NCL: variants seen among roughly 807,000 people sequenced by gnomAD.
NCL encodes nucleolin multifunctional protein.
Under a neutral mutation model 77.7 loss-of-function variants are expected in NCL, and 4 were observed. The observed-to-expected ratio is 0.05, with a 90% CI of 0.03 to 0.12. The LOEUF is 0.12. Among genes scored for constraint, NCL ranks in the 10% least tolerant of loss-of-function variants. The pLI is 1.00. For synonymous variants in NCL, 344 were observed against 297.8 expected, an observed-to-expected ratio of 1.16 and a Z score of -1.60; for missense variants, 763 against 860.9, an observed-to-expected ratio of 0.89 and a Z score of 1.42.
Position 231,457,135 on chromosome 2 carries a change from A to G in NCL, c.1448-11T>C, listed in dbSNP as rs1251649110. 1.2e-6 allele frequency: 2 copies of G among 1,613,558 alleles called. No homozygotes were observed. Among genetic ancestry groups the G allele is most frequent in the Non-Finnish European group, 1.7e-6 (2 of 1,179,838 alleles). On this transcript the variant is annotated splice_polypyrimidine_tract_variant and intron_variant, in intron 9 of 13. Transcript: ENST00000322723. ...GAGTTTTTGATTCACCTGCAAATAG[A>G]GATGCCACATTCCTAAGACTCTGAA...
chr2:231,456,603 C>CCA (rs1389842764), intron 11 of NCL, 28 bp downstream of exon 11: 2 of 1,613,610 alleles, frequency 1.2e-6, no homozygotes, highest in African/African-American at 2.7e-5. Context: ...CTACCCCCAA[C>CCA]CACAGCACCC....
rs1163452278 is a variant in NCL, at chr2:231,455,502, C to G, written c.1955G>C (p.Gly652Ala). 6.2e-7 allele frequency: 1 copy of G among 1,614,208 alleles called. No homozygotes were observed. Among genetic ancestry groups the G allele is most frequent in the Non-Finnish European group, 8.5e-7 (1 of 1,180,034 alleles). ...TCTGCCTCCACCACGACCCCCGAAG[C>G]CACCTTCACCCTTAGGTTTGGCCCA... Reference protein sequence around the residue: ...LDWAKPKGEGGFGGRGGGRGG... With the variant: ...LDWAKPKGEGAFGGRGGGRGG... The change falls in exon 13 of 14, where the codon GGC (glycine) becomes GCC (alanine). Residue 652 changes from glycine to alanine, a missense_variant. Around this residue, in one of 2 missense-constraint regions of NCL, gnomAD observed 173 missense variants for 290.4 expected, o/e 0.60. Coordinates refer to ENST00000322723, the MANE Select transcript of NCL (RefSeq NM_005381.3).
At chr2:231,458,571 T>C (rs1045913889) in intron 7 of NCL, 182 bp from the exon 8 acceptor site, 10 of 741,546 alleles carry the variant, frequency 1.3e-5, no homozygotes, top group African/African-American at 1.1e-4. Context: ...GGTCCCTCCA[T>C]GTTGTCACAG....
intron 11 of NCL, 57 bp from the exon 12 acceptor site, chr2:231,456,193 TTGCACAATGCCTAG>T: frequency 6.2e-7 from 1 of 1,605,588 alleles, no homozygotes; most frequent in Non-Finnish European, 8.5e-7. Context: ...AACACTGAAT[TTGCACAATGCCTAG>T]TATGACTACT....
At chr2:231,456,490 CAATT>C (rs748959621) in intron 11 of NCL, 137 bp downstream of exon 11, 5 of 1,356,334 alleles carry the variant, frequency 3.7e-6, no homozygotes, top group Non-Finnish European at 4.2e-6. Context: ...GAGATTTCAT[CAATT>C]ATTTCTCAGG....
rs769684387 is a variant in NCL, at chr2:231,456,155, T to C, written c.1706-19A>G. 1.9e-6 allele frequency: 3 copies of C among 1,568,066 alleles called. No homozygotes were observed. Among genetic ancestry groups the C allele is most frequent in the Admixed American group, 3.4e-5 (2 of 59,098 alleles). ...GATGGCTCTGGGAAGGAAAAAAAAATGTGACTTTATGTGAAGTCACAGTTC... is the reference window on the plus strand; with the variant it reads ...GATGGCTCTGGGAAGGAAAAAAAAACGTGACTTTATGTGAAGTCACAGTTC... On this transcript the variant is annotated intron_variant, in intron 11 of 13. Transcript: ENST00000322723.
chr2:231,458,510 G>T, intron 7 of NCL, 121 bp from the exon 8 acceptor site: 2 of 1,266,502 alleles, frequency 1.6e-6, no homozygotes, highest in African/African-American at 1.5e-5. Flanking sequence ...ATCCTATAAT[G>T]TACAAGGCTC....
At chr2:231,464,210 G>A in intron 1 of NCL, 126 bp downstream of exon 1, 2 of 1,483,174 alleles carry the variant, frequency 1.3e-6, no homozygotes, top group South Asian at 2.5e-5. Context: ...AATCGCGCGA[G>A]ACTTCCCGCA....
chr2:231,464,181 G>A (rs1232667529), intron 1 of NCL, 155 bp downstream of exon 1: 2 of 1,434,046 alleles, frequency 1.4e-6, no homozygotes, highest in South Asian at 1.4e-5. Context: ...GTAGCCAGAA[G>A]CCGCGAGACC....
At chr2:231,458,546 T>C in intron 7 of NCL, 157 bp from the exon 8 acceptor site, 4 of 920,960 alleles carry the variant, frequency 4.3e-6, no homozygotes, top group South Asian at 3.5e-5. Context: ...GATATAGCAG[T>C]GTCAACACAC....
intron 2 of NCL, chr2:231,462,849 G>A (rs926733966): frequency 1.5e-5 from 5 of 322,630 alleles, no homozygotes; most frequent in South Asian, 8.5e-5. Context: ...GGCTAGGAAA[G>A]GAATCTGGTA....
In NCL at chr2:231,461,957, C is replaced by T. The variant is rs1285071646; in HGVS notation, c.196G>A (p.Val66Ile). The change falls in exon 3 of 14, where the codon GTT (valine) becomes ATT (isoleucine). Residue 66 changes from valine to isoleucine, a missense_variant. Transcript: ENST00000322723. ...AAATSAKKVV[V>I]SPTKKVAVAT... ...ACTGCAACCTTTTTTGTTGGGGAAA[C>T]GACCACCTTCTTTGCTGAGGTTGCA... 7 of 1,614,184 alleles carry T rather than the reference C, an allele frequency of 4.3e-6. No individual in the cohort carries two copies. Among genetic ancestry groups the T allele is most frequent in the African/African-American group, 1.3e-5 (1 of 75,040 alleles).
Position 231,457,511 on chromosome 2 carries a change from T to A in NCL, c.1447+132A>T, listed in dbSNP as rs1321983127. The A allele has an allele frequency of 3.3e-6, 3 of 900,442 alleles. No homozygotes were observed. The Admixed American group carries it at 6.8e-5, about 20-fold the overall frequency. The allele number at this position is 900,442 out of a possible 1,614,324, so 55.8% of individuals were successfully genotyped here. On this transcript the variant is annotated intron_variant, in intron 9 of 13. Transcript: ENST00000322723. ...TTCCAAATAAGAGTATGACTTGGGGTATCATGTCCTTGATCTTCACCTACA... is the reference window on the plus strand; with the variant it reads ...TTCCAAATAAGAGTATGACTTGGGGAATCATGTCCTTGATCTTCACCTACA...
chr2:231,458,292 T>C lies in NCL; in HGVS notation c.1263A>G (p.Leu421=). The C allele has an allele frequency of 6.2e-7, 1 of 1,614,122 alleles. No homozygotes were observed. Among genetic ancestry groups the C allele is most frequent in the Admixed American group, 1.7e-5 (1 of 60,010 alleles). Residue 421 remains leucine, a synonymous_variant, in exon 8 of 14, where the codon TTA becomes TTG. Coordinates refer to ENST00000322723, the MANE Select transcript of NCL (RefSeq NM_005381.3). ...EVFEDAAEIR[L]VSKDGKSKGI... is the part of the protein sequence containing the mutation. ...CTTTACTTTTCCCATCCTTGCTGAC[T>C]AATCTGATCTCCGCAGCATCTTCAA...
Position 231,463,238 on chromosome 2 carries a change from T to C in NCL, c.97A>G (p.Met33Val). 1 of 1,612,158 alleles carries C rather than the reference T, an allele frequency of 6.2e-7. No homozygotes were observed. Among genetic ancestry groups the C allele is most frequent in the East Asian group, 2.2e-5 (1 of 44,830 alleles). ...CTATCATCTTCTTCATCTTCTGACA[T>C]TTCCTCATCTTCACTATCTTCTTCT... ...EVEEDSEDEEMSEDEEDDSSG... is the reference protein window; with the variant it reads ...EVEEDSEDEEVSEDEEDDSSG... Residue 33 changes from methionine to valine, a missense_variant, in exon 2 of 14, where the codon ATG (methionine) becomes GTG (valine). This residue lies in a region of NCL where 590 missense variants were observed against 570.5 expected (regional missense o/e 1.03). Coordinates refer to ENST00000322723, the MANE Select transcript of NCL (RefSeq NM_005381.3).
intron 9 of NCL, 155 bp from the exon 10 acceptor site, chr2:231,457,279 TA>T: frequency 9.5e-7 from 1 of 1,052,792 alleles, no homozygotes; most frequent in Non-Finnish European, 1.5e-6. Context: ...CTCAACATAT[TA>T]AGTACCTAGT....
At chr2:231,462,085 A>G (rs973831068) in intron 2 of NCL, 68 bp from the exon 3 acceptor site, 13 of 1,572,004 alleles carry the variant, frequency 8.3e-6, no homozygotes, top group East Asian at 4.5e-5. Context: ...CATGGTCCCA[A>G]TGAGATGTTA....
chr2:231,458,843 A>G, intron 7 of NCL, 158 bp downstream of exon 7: 2 of 812,036 alleles, frequency 2.5e-6, no homozygotes, highest in Non-Finnish European at 1.8e-6. Flanking sequence ...GTACTCTTGT[A>G]AACACTGTAG....
chr2:231,462,148 G>A (rs2046958982), intron 2 of NCL, 131 bp from the exon 3 acceptor site: 1 of 1,183,288 alleles, frequency 8.5e-7, no homozygotes, highest in East Asian at 2.3e-5. Flanking sequence ...ACATTAGCAT[G>A]TTAAACTCCA....
Sources: gnomAD v4.1 joint callset for allele counts on GRCh38, gnomAD v4.1.1 for gene constraint, gnomAD v4.1.1 regional missense constraint, MANE v1.5 for transcripts, NCBI Gene and HGNC (gene_info 2026-07-23, HGNC 2026-07-21) for gene names.